UNC79: variants seen among roughly 807,000 people sequenced by gnomAD.
UNC79 encodes protein unc-79 homolog.
A neutral mutation model predicts 283.1 loss-of-function variants in UNC79; 37 were observed. The ratio of observed to expected loss-of-function variants is 0.13; its 90% confidence interval spans 0.10 to 0.17. UNC79 has a LOEUF of 0.17. Among genes scored for constraint, UNC79 ranks in the 10% least tolerant of loss-of-function variants. UNC79 has a pLI of 1.00. For missense variants in UNC79, 2,272 were observed against 3,211.1 expected, an observed-to-expected ratio of 0.71 and a Z score of 7.07; for synonymous variants, 1,107 against 1,200.2, an observed-to-expected ratio of 0.92 and a Z score of 1.61.
intron 26 of UNC79, among the ~76,000 whole-genome samples, chr14:93,604,252 C>A (rs2139618645): frequency 6.6e-6 from 1 of 152,156 alleles, no homozygotes; most frequent in South Asian, 2.1e-4. Flanking sequence ...TGACCCAAAA[C>A]CTATTTCTTA....
chr14:93,634,122 C>T (rs2068291437), intron 31 of UNC79, among the ~76,000 whole-genome samples: 2 of 152,040 alleles, frequency 1.3e-5, no homozygotes, highest in African/African-American at 2.4e-5. Context: ...CCTCATGGGG[C>T]TATGAGGAAG....
chr14:93,707,103 A>G, downstream of UNC79: 1 of 517,562 alleles, frequency 1.9e-6, no homozygotes, highest in Non-Finnish European at 3.3e-6. Flanking sequence ...TCCTTGGGCT[A>G]TCTGATTAAG....
intron 1 of UNC79, among the ~76,000 whole-genome samples, chr14:93,386,965 G>T (rs1180032315): frequency 5.5e-5 from 2 of 36,696 alleles, no homozygotes; most frequent in Non-Finnish European, 1.1e-4. Flanking sequence ...TTTTTGAGAC[G>T]GAGTTTTGCT....
At chr14:93,627,542 C>A (rs2067662698) in intron 30 of UNC79, among the ~76,000 whole-genome samples, 1 of 152,206 alleles carries the variant, frequency 6.6e-6, no homozygotes, top group Admixed American at 6.5e-5. Flanking sequence ...TGGAAATATT[C>A]TGCCATGGTG....
At chr14:93,654,332 A>G (rs758416169) in intron 37 of UNC79, among the ~76,000 whole-genome samples, 4 of 152,046 alleles carry the variant, frequency 2.6e-5, no homozygotes, top group Non-Finnish European at 5.9e-5. Flanking sequence ...TCTCTACAAA[A>G]TAAAAATAAA....
intron 47 of UNC79, among the ~76,000 whole-genome samples, chr14:93,695,906 A>AAAAAAAAAAAAAAAAAAAAAAAAAAC: frequency 6.7e-6 from 1 of 149,232 alleles, no homozygotes; most frequent in Non-Finnish European, 1.5e-5. Context: ...AAAAAAAAAA[A>AAAAAAAAAAAAAAAAAAAAAAAAAAC]AAAAGCAAAC....
In UNC79 at chr14:93,558,696, A is replaced by T. The variant is rs563623407; in HGVS notation, c.1756-13198A>T. On this transcript the variant is annotated intron_variant, in intron 14 of 48. Transcript: ENST00000555664. The stretch of plus-strand genomic sequence containing the variant: ...GAGGCCGGGGCCCTGGCTGGTAAGA[A>T]ATTCTTACCCTTTTGCCTGCATGCC... Among the ~76,000 whole-genome samples, 79 of 135,218 alleles carry T rather than the reference A, an allele frequency of 5.8e-4. 1 individual carries two copies. Among genetic ancestry groups the T allele is most frequent in the Non-Finnish European group, 6.7e-4 (44 of 65,660 alleles). The allele number at this position is 135,218 out of a possible 152,430, so 88.7% of individuals were successfully genotyped here. A position where few individuals can be genotyped will look rare whatever the true frequency, so the allele number is the denominator to read the frequency against.
At chr14:93,632,374 A>G (rs1037999233) in intron 31 of UNC79, among the ~76,000 whole-genome samples, 2 of 152,198 alleles carry the variant, frequency 1.3e-5, no homozygotes, top group African/African-American at 4.8e-5. Flanking sequence ...ATAAAAGTGT[A>G]TCTTCTCCTA....
intron 2 of UNC79, among the ~76,000 whole-genome samples, chr14:93,471,030 T>C (rs1364205167): frequency 2.0e-5 from 3 of 152,300 alleles, no homozygotes; most frequent in Admixed American, 2.0e-4. Flanking sequence ...GCATGTAAAA[T>C]CTTTTAACGA....
intron 1 of UNC79, among the ~76,000 whole-genome samples, chr14:93,412,617 A>C (rs1950901): frequency 0.56 from 84,574 of 151,786 alleles, 23,981 homozygotes; most frequent in Admixed American, 0.66. Context: ...GCCTTGAGGC[A>C]GTCTTCTTTG....
intron 47 of UNC79, among the ~76,000 whole-genome samples, chr14:93,698,476 GTTTTTTTTTTT>G (rs71129655): frequency 1.3e-5 from 1 of 79,096 alleles, no homozygotes; most frequent in Non-Finnish European, 2.6e-5. Flanking sequence ...TTTAGTTTAG[GTTTTTTTTTTT>G]TTTTTTTTTT....
intron 4 of UNC79, among the ~76,000 whole-genome samples, chr14:93,485,174 G>T (rs1443551209): frequency 6.7e-6 from 1 of 149,040 alleles, no homozygotes; most frequent in Non-Finnish European, 1.5e-5. Flanking sequence ...CCCAAAACAA[G>T]AATATATATA....
intron 8 of UNC79, among the ~76,000 whole-genome samples, chr14:93,527,609 A>G (rs200561951): frequency 6.6e-6 from 1 of 152,150 alleles, no homozygotes; most frequent in Non-Finnish European, 1.5e-5. Flanking sequence ...TGTTTGGGTT[A>G]TAAGTTTAGG....
At chr14:93,607,178 A>T (rs1472717539) in intron 26 of UNC79, among the ~76,000 whole-genome samples, 1 of 152,186 alleles carries the variant, frequency 6.6e-6, no homozygotes, top group Admixed American at 6.5e-5. Context: ...AATACTGATG[A>T]AGATTAATTG....
At chr14:93,539,543 A>G (rs2061275346) in intron 12 of UNC79, among the ~76,000 whole-genome samples, 5 of 151,988 alleles carry the variant, frequency 3.3e-5, no homozygotes, top group Admixed American at 3.3e-4. Flanking sequence ...TAAAAAAATA[A>G]TAATAATATT....
intron 26 of UNC79, among the ~76,000 whole-genome samples, chr14:93,612,108 C>T (rs1411602688): frequency 6.6e-6 from 1 of 152,168 alleles, no homozygotes; most frequent in African/African-American, 2.4e-5. Flanking sequence ...TTCCGCTCAC[C>T]TTCATGTGGT....
intron 1 of UNC79, among the ~76,000 whole-genome samples, chr14:93,384,933 G>C (rs1227440621): frequency 6.6e-6 from 1 of 152,154 alleles, no homozygotes; most frequent in African/African-American, 2.4e-5. Context: ...ATTTATTGAA[G>C]AGACTGCCTT....
chr14:93,667,988 A>C (rs1449351733), intron 40 of UNC79, among the ~76,000 whole-genome samples: 3 of 152,218 alleles, frequency 2.0e-5, no homozygotes, highest in African/African-American at 7.2e-5. Context: ...CAAACTAGGA[A>C]TAGAAGGGAA....
chr14:93,470,670 C>CT (rs2057454476), intron 2 of UNC79, among the ~76,000 whole-genome samples: 1 of 152,190 alleles, frequency 6.6e-6, no homozygotes, highest in African/African-American at 2.4e-5. Flanking sequence ...GACCTGGGGT[C>CT]TGGTAAAGTT....
Sources: allele counts gnomAD v4.1 joint callset (sites outside exome capture counted in the v4.1 genomes callset), GRCh38; gene constraint gnomAD v4.1.1; transcripts MANE v1.5; gene names NCBI Gene and HGNC (gene_info 2026-07-23, HGNC 2026-07-21).